SIRPD: variants seen among roughly 807,000 people sequenced by gnomAD.
The protein encoded by SIRPD is signal regulatory protein delta.
In SIRPD, 21 loss-of-function variants were observed where a neutral mutation model predicts 18.0. The ratio of observed to expected loss-of-function variants is 1.17; its 90% CI spans 0.83 to 1.68. The LOEUF (loss-of-function observed/expected upper bound fraction) is 1.68. Ranked by LOEUF, SIRPD falls within the 40% of genes most tolerant of loss-of-function variation. The pLI is 0.00. For missense variants in SIRPD, 295 were observed against 238.4 expected, an observed-to-expected ratio of 1.24 and a Z score of -1.56; for synonymous variants, 106 against 92.9, an observed-to-expected ratio of 1.14 and a Z score of -0.81.
At chr20:1,537,401 T>C in intron 2 of SIRPD, 91 bp from the exon 3 acceptor site, 2 of 1,391,942 alleles carry the variant, frequency 1.4e-6, no homozygotes, top group Non-Finnish European at 2.0e-6. Context: ...ACCGTTCCAG[T>C]TTCTAGATTG....
At chr20:1,555,137 G>T (rs374896961) in intron 1 of SIRPD, among the ~76,000 whole-genome samples, 4 of 152,088 alleles carry the variant, frequency 2.6e-5, no homozygotes, top group African/African-American at 9.7e-5. Flanking sequence ...ACATGCAGTA[G>T]AATACTATTT....
At chr20:1,548,149 T>A (rs1193946250) in intron 2 of SIRPD, among the ~76,000 whole-genome samples, 1 of 152,222 alleles carries the variant, frequency 6.6e-6, no homozygotes, top group African/African-American at 2.4e-5. Flanking sequence ...TGTGTTATTC[T>A]TGATCTACTG....
chr20:1,557,371 C>G (rs1439156216), intron 1 of SIRPD, among the ~76,000 whole-genome samples: 1 of 152,108 alleles, frequency 6.6e-6, no homozygotes, highest in Admixed American at 6.6e-5. Flanking sequence ...AGTCGTTTAC[C>G]TGAGCAAAGA....
At chr20:1,546,230 C>A (rs560863174) in intron 2 of SIRPD, among the ~76,000 whole-genome samples, 2 of 152,316 alleles carry the variant, frequency 1.3e-5, no homozygotes, top group African/African-American at 4.8e-5. Flanking sequence ...GCTGCCCCTT[C>A]CCCCCGGTGC....
At chr20:1,539,192 T>A (rs530952662) in intron 2 of SIRPD, among the ~76,000 whole-genome samples, 5 of 152,218 alleles carry the variant, frequency 3.3e-5, no homozygotes, top group Non-Finnish European at 7.3e-5. Context: ...TAATTATTAT[T>A]TAGTCCAAAA....
intron 2 of SIRPD, among the ~76,000 whole-genome samples, chr20:1,537,779 T>C (rs2090953811): frequency 6.6e-6 from 1 of 152,268 alleles, no homozygotes; most frequent in African/African-American, 2.4e-5. Context: ...CTCTTCAAAG[T>C]ACGCTTACAG....
In SIRPD at chr20:1,552,040, T is replaced by C. The variant is rs775811912; in HGVS notation, c.74-2A>G. 2 of 1,608,668 alleles carry C rather than the reference T, an allele frequency of 1.2e-6. No individual in the cohort carries two copies. The highest frequency in any genetic ancestry group is 4.5e-5 in the East Asian group (2 of 44,800). On this transcript the variant is annotated splice_acceptor_variant, in intron 1 of 3. Coordinates refer to ENST00000381623, the MANE Select transcript of SIRPD (RefSeq NM_178460.3). LOFTEE classifies it high-confidence loss of function. Reference sequence around the variant, plus strand: ...GCACATGGAACACATGTGTGACTCCTGGAAAAAAGCTGAAAATCATTTCTC... The same window carrying C: ...GCACATGGAACACATGTGTGACTCCCGGAAAAAAGCTGAAAATCATTTCTC...
chr20:1,545,196 T>A (rs1022807256), intron 2 of SIRPD, among the ~76,000 whole-genome samples: 1 of 151,706 alleles, frequency 6.6e-6, no homozygotes, highest in Non-Finnish European at 1.5e-5. Context: ...CTGGATAATA[T>A]CCTGAAGTGT....
intron 1 of SIRPD, among the ~76,000 whole-genome samples, chr20:1,552,483 T>C (rs1293479032): frequency 6.6e-6 from 1 of 152,148 alleles, no homozygotes; most frequent in African/African-American, 2.4e-5. Flanking sequence ...TCTGAATTTG[T>C]ACAGAAATTC....
chr20:1,552,440 G>T (rs1362488729), intron 1 of SIRPD, among the ~76,000 whole-genome samples: 1 of 152,126 alleles, frequency 6.6e-6, no homozygotes, highest in South Asian at 2.1e-4. Flanking sequence ...GTTTGGGGTT[G>T]GCCTTCCTCT....
At chr20:1,536,534 A>T (rs1180935022) in intron 3 of SIRPD, among the ~76,000 whole-genome samples, 1 of 151,964 alleles carries the variant, frequency 6.6e-6, no homozygotes, top group Non-Finnish European at 1.5e-5. Context: ...GAGAGAAGAG[A>T]GTAGACAGGC....
intron 1 of SIRPD, among the ~76,000 whole-genome samples, chr20:1,553,550 A>G (rs1200111405): frequency 6.6e-6 from 1 of 152,168 alleles, no homozygotes; most frequent in African/African-American, 2.4e-5. Context: ...TACACAATGC[A>G]TATACCTGGG....
chr20:1,543,918 GC>G (rs2090982636), intron 2 of SIRPD, among the ~76,000 whole-genome samples: 1 of 152,158 alleles, frequency 6.6e-6, no homozygotes, highest in Non-Finnish European at 1.5e-5. Context: ...ATGTAGATGT[GC>G]AGTTTTGAGT....
chr20:1,557,509 C>A, intron 1 of SIRPD, 72 bp downstream of exon 1: 2 of 1,270,878 alleles, frequency 1.6e-6, no homozygotes, highest in Non-Finnish European at 2.1e-6. Context: ...TCTATGGGAA[C>A]AGGTGAGGGA....
At chr20:1,556,913 G>T (rs184901941) in intron 1 of SIRPD, among the ~76,000 whole-genome samples, 3 of 152,350 alleles carry the variant, frequency 2.0e-5, no homozygotes, top group Admixed American at 1.3e-4. Flanking sequence ...GCCAAATGCA[G>T]TGGCAACAGA....
intron 2 of SIRPD, among the ~76,000 whole-genome samples, chr20:1,550,708 G>A (rs185986445): frequency 1.1e-4 from 16 of 152,152 alleles, no homozygotes; most frequent in Admixed American, 9.8e-4. Flanking sequence ...GAACATACTG[G>A]ACTGGGCCCA....
chr20:1,534,590 C>T (rs2090937614), intron 3 of SIRPD, 149 bp from the exon 4 acceptor site: 4 of 702,208 alleles, frequency 5.7e-6, no homozygotes, highest in South Asian at 1.8e-5. Context: ...CAGGCGCTCC[C>T]ACATACTGCT....
At chr20:1,556,659 A>G (rs1472392830) in intron 1 of SIRPD, among the ~76,000 whole-genome samples, 1 of 152,228 alleles carries the variant, frequency 6.6e-6, no homozygotes, top group Non-Finnish European at 1.5e-5. Flanking sequence ...ACACAGAGAC[A>G]GACATACATG....
intron 1 of SIRPD, among the ~76,000 whole-genome samples, chr20:1,553,392 T>C (rs1268625712): frequency 1.3e-5 from 2 of 152,174 alleles, no homozygotes; most frequent in Non-Finnish European, 2.9e-5. Flanking sequence ...GTAGAGATTC[T>C]ACCTGCCTGA....
Sources: gnomAD v4.1 joint callset for allele counts (sites outside exome capture counted in the v4.1 genomes callset) on GRCh38, gnomAD v4.1.1 for gene constraint, MANE v1.5 for transcripts, NCBI Gene and HGNC (gene_info 2026-07-23, HGNC 2026-07-21) for gene names.